MTFR1: variants seen among roughly 807,000 people sequenced by gnomAD.
MTFR1 encodes chondrocyte protein with a poly-proline region.
MTFR1 carries 28 observed loss-of-function variants against 38.8 expected under a neutral mutation model. The observed-to-expected ratio is 0.72, with a 90% confidence interval of 0.53 to 0.99. The LOEUF (loss-of-function observed/expected upper bound fraction) is 0.99, where lower values mean the gene tolerates loss of function less well. Among genes scored for constraint, MTFR1 ranks in the 50% least tolerant of loss-of-function variants. The pLI is 0.00. For missense variants in MTFR1, 358 were observed against 395.5 expected (o/e 0.91, Z 0.81); for synonymous variants, 145 against 137.0 (o/e 1.06, Z -0.41).
chr8:65,709,884 G>A lies in MTFR1; in HGVS notation c.*840G>A, dbSNP rs753663368. Reference sequence around the variant, plus strand: ...TAAAGATGACTTTGCTAAGTTAATAGAGTTAAAAATTTTTTTAATATAAGC... The same window carrying A: ...TAAAGATGACTTTGCTAAGTTAATAAAGTTAAAAATTTTTTTAATATAAGC... On this transcript the variant is annotated 3_prime_UTR_variant, in exon 8 of 8. Transcript: ENST00000262146. 5.9e-5 allele frequency: 9 copies of A among 152,520 alleles called. No homozygotes were observed. Among genetic ancestry groups the A allele is most frequent in the Non-Finnish European group, 1.0e-4 (7 of 68,012 alleles). 9.4% of individuals were successfully genotyped at this position (152,520 alleles called of 1,614,324 possible). A position where few individuals can be genotyped will look rare whatever the true frequency, so the allele number is the denominator to read the frequency against.
chr8:65,646,128 T>A (rs1215253142), intron 1 of MTFR1, among the ~76,000 whole-genome samples: 1 of 152,220 alleles, frequency 6.6e-6, no homozygotes, highest in East Asian at 1.9e-4. Context: ...TATTGATAAT[T>A]TCTATTTGTC....
At chr8:65,748,174 C>T (rs1585865147) in intron 3 of MTFR1, among the ~76,000 whole-genome samples, 1 of 151,612 alleles carries the variant, frequency 6.6e-6, no homozygotes, top group African/African-American at 2.4e-5. Flanking sequence ...GGAGCAGAAA[C>T]ATGGAAAAAA....
chr8:65,655,950 A>AT (rs1361508278), intron 1 of MTFR1, among the ~76,000 whole-genome samples: 1,063 of 30,410 alleles, frequency 0.035, 25 homozygotes, highest in African/African-American at 0.056. Flanking sequence ...TTAAAAAAAA[A>AT]AATATATATA....
chr8:65,751,358 G>T (rs1054857894), intron 3 of MTFR1, among the ~76,000 whole-genome samples: 8 of 151,954 alleles, frequency 5.3e-5, no homozygotes, highest in Non-Finnish European at 1.0e-4. Flanking sequence ...AGGGAGGGAA[G>T]AAAGAAAATA....
rs11986563 is a variant in MTFR1 at position 65,681,014 on chromosome 8, G to A, written c.67-1339G>A. Among the ~76,000 whole-genome samples, 1,203 of 148,262 alleles carry A rather than the reference G, an allele frequency of 8.1e-3. 13 individuals carry two copies. The highest frequency in any genetic ancestry group is 0.027 in the African/African-American group (1,093 of 40,360). On this transcript the variant is annotated intron_variant, in intron 2 of 7. Coordinates refer to ENST00000262146, the MANE Select transcript of MTFR1 (RefSeq NM_014637.4). ...TGCAAGCTCCGCCTCCCGGGTTCAC[G>A]CCATTCTCCTGCCTCAGCCTCCCGA... is the stretch of plus-strand genomic sequence containing the variant.
intron 3 of MTFR1, among the ~76,000 whole-genome samples, chr8:65,748,101 T>G (rs562988818): frequency 2.6e-4 from 39 of 152,082 alleles, no homozygotes; most frequent in South Asian, 1.0e-3. Context: ...CGGTTTGTTT[T>G]TTTTTTTAAC....
rs963907930 is a variant in MTFR1 at position 65,708,085 on chromosome 8, G to C, written c.933+74G>C. 5.6e-6 allele frequency: 9 copies of C among 1,604,556 alleles called. No individual in the cohort carries two copies. In the East Asian group the frequency reaches 1.8e-4, roughly 32 times the overall value. On this transcript the variant is annotated intron_variant, in intron 7 of 7. Transcript: ENST00000262146. ...ATTGCCAAGCACTTGCATTTTGCAA[G>C]TGATTCACCTGTGTCATCTGTAAGT...
At chr8:65,680,772 TAA>T (rs1804854853) in intron 2 of MTFR1, among the ~76,000 whole-genome samples, 1 of 152,118 alleles carries the variant, frequency 6.6e-6, no homozygotes, top group Non-Finnish European at 1.5e-5. Flanking sequence ...CTTTAGAATA[TAA>T]TTGTTTTTTG....
At chr8:65,662,891 C>T (rs948491052) in intron 1 of MTFR1, among the ~76,000 whole-genome samples, 4 of 151,428 alleles carry the variant, frequency 2.6e-5, no homozygotes, top group Non-Finnish European at 4.4e-5. Flanking sequence ...CCAGCCGCCC[C>T]GTCCTGGAGG....
chr8:65,769,788 C>T (rs1808988378), intron 3 of MTFR1, among the ~76,000 whole-genome samples: 1 of 152,056 alleles, frequency 6.6e-6, no homozygotes, highest in Non-Finnish European at 1.5e-5. Flanking sequence ...CCTTGCTACT[C>T]AGGAGGTTGA....
intron 1 of MTFR1, among the ~76,000 whole-genome samples, chr8:65,645,841 T>G (rs1808952521): frequency 6.6e-6 from 1 of 152,210 alleles, no homozygotes; most frequent in Non-Finnish European, 1.5e-5. Context: ...CCTGGGTTAT[T>G]TTGAAGCAAA....
intron 4 of MTFR1, among the ~76,000 whole-genome samples, chr8:65,697,747 G>A (rs1326769647): frequency 6.6e-6 from 1 of 152,138 alleles, no homozygotes; most frequent in Non-Finnish European, 1.5e-5. Context: ...GCAGTATATG[G>A]CTAATTCAGT....
At chr8:65,707,376 A>G in intron 6 of MTFR1, 120 bp downstream of exon 6, 1 of 1,074,256 alleles carries the variant, frequency 9.3e-7, no homozygotes. Context: ...AGTTTAAAAA[A>G]AAGATGAGCC....
chr8:65,718,999 G>T, intron 2 of MTFR1: 1 of 420,538 alleles, frequency 2.4e-6, no homozygotes, highest in Non-Finnish European at 4.4e-6. Flanking sequence ...TGAAAAAGTC[G>T]TGGCACATAT....
chr8:65,769,696 C>T (rs992899653), intron 3 of MTFR1, among the ~76,000 whole-genome samples: 1 of 151,944 alleles, frequency 6.6e-6, no homozygotes, highest in African/African-American at 2.4e-5. Context: ...AGGAGTTTGA[C>T]ACCAGCCTGG....
intron 1 of MTFR1, among the ~76,000 whole-genome samples, chr8:65,654,723 G>C (rs1809209940): frequency 6.6e-6 from 1 of 152,100 alleles, no homozygotes. Flanking sequence ...GACTACAGGT[G>C]CATACCACTG....
intron 3 of MTFR1, among the ~76,000 whole-genome samples, chr8:65,748,725 C>T (rs536393618): frequency 2.0e-5 from 3 of 152,282 alleles, no homozygotes; most frequent in Non-Finnish European, 2.9e-5. Flanking sequence ...TCACTCACTC[C>T]TCTATTAACC....
At position 65,682,982 on chromosome 8, in the gene MTFR1, G is replaced by A. The variant is rs117978077; in HGVS notation, c.165+531G>A. On this transcript the variant is annotated intron_variant, in intron 3 of 7. Coordinates refer to ENST00000262146, the MANE Select transcript of MTFR1 (RefSeq NM_014637.4). The stretch of plus-strand genomic sequence containing the variant: ...TTCGCAGTGAGGTGATAGTCAAACC[G>A]TGAATCAGGAGAACTTTTGAAAGTC... The A allele has an allele frequency of 1.5e-5, 14 of 939,810 alleles. No homozygotes were observed. In the African/African-American group the frequency reaches 2.0e-4, roughly 13 times the overall value. The allele number at this position is 939,810 out of a possible 1,614,324, so 58.2% of individuals were successfully genotyped here.
intron 3 of MTFR1, among the ~76,000 whole-genome samples, chr8:65,750,562 A>AC (rs762375305): frequency 6.6e-5 from 10 of 151,676 alleles, no homozygotes; most frequent in Non-Finnish European, 1.5e-4. Flanking sequence ...CTTTGCAAGG[A>AC]CAACTGCATA....
Sources: allele counts gnomAD v4.1 joint callset (sites outside exome capture counted in the v4.1 genomes callset), GRCh38; gene constraint gnomAD v4.1.1; transcripts MANE v1.5; gene names NCBI Gene and HGNC (gene_info 2026-07-23, HGNC 2026-07-21).